CREM: variants seen among roughly 807,000 people sequenced by gnomAD.
CREM encodes cAMP responsive element modulator, also known as cAMP-responsive element modulator.
Under a neutral mutation model 37.3 loss-of-function variants are expected in CREM, and 13 were observed. The ratio of observed to expected loss-of-function variants is 0.35; its 90% CI spans 0.23 to 0.55. The LOEUF is 0.55. CREM is among the 20% of genes least tolerant of loss of function. The probability of loss-of-function intolerance (pLI) is 0.88; values close to 1 mark genes in which losing one functional copy is unlikely to be tolerated. For synonymous variants in CREM, 124 were observed against 120.2 expected (o/e 1.03, Z -0.21); for missense variants, 296 against 362.3 (o/e 0.82, Z 1.49).
At chr10:35,185,101 T>C (rs113370962) in intron 5 of CREM, among the ~76,000 whole-genome samples, 3,818 of 147,092 alleles carry the variant, frequency 0.026, 174 homozygotes, top group African/African-American at 0.09. Flanking sequence ...CTAGGCTTTG[T>C]ACTTCTTTTT....
At chr10:35,133,672 CAGAG>C (rs1441086601) in intron 1 of CREM, among the ~76,000 whole-genome samples, 1 of 152,238 alleles carries the variant, frequency 6.6e-6, no homozygotes, top group Non-Finnish European at 1.5e-5. Context: ...ACTTAGTCTT[CAGAG>C]AAACAGTTCT....
intron 3 of CREM, among the ~76,000 whole-genome samples, chr10:35,152,982 A>T (rs898766580): frequency 4.6e-5 from 7 of 152,208 alleles, no homozygotes; most frequent in African/African-American, 1.7e-4. Flanking sequence ...GCTCATGCCT[A>T]TAATCCCAGC....
intron 2 of CREM, among the ~76,000 whole-genome samples, chr10:35,146,654 C>T (rs1037662044): frequency 6.6e-6 from 1 of 152,088 alleles, no homozygotes; most frequent in Non-Finnish European, 1.5e-5. Flanking sequence ...AAGGATTAGG[C>T]AATATTAAGG....
At chr10:35,128,853 G>C (rs900350515) in intron 1 of CREM, among the ~76,000 whole-genome samples, 52 of 151,940 alleles carry the variant, frequency 3.4e-4, no homozygotes, top group African/African-American at 1.1e-3. Flanking sequence ...TTCTTTTTTT[G>C]GATAAACTTT....
In CREM at chr10:35,179,154, C is replaced by T; in HGVS notation, c.287C>T (p.Ser96Phe). The change falls in exon 5 of 8, where the codon TCC becomes TTC. Residue 96 changes from serine to phenylalanine, a missense_variant. This residue lies in a region of CREM where 257 missense variants were observed against 280.2 expected (regional missense o/e 0.92). Transcript: ENST00000685392. Reference protein sequence around the residue: ...PSYRKILNELSSDVPGVPKIE... With the variant: ...PSYRKILNELFSDVPGVPKIE... ...TTTAGGAAAATACTGAATGAACTGT[C>T]CTCTGATGTGCCTGGTGTTCCCAAG... 6.2e-7 allele frequency: 1 copy of T among 1,613,580 alleles called. No individual in the cohort carries two copies. Among genetic ancestry groups the T allele is most frequent in the South Asian group, 1.1e-5 (1 of 90,980 alleles).
intron 1 of CREM, among the ~76,000 whole-genome samples, chr10:35,130,776 G>A (rs892716743): frequency 6.6e-6 from 1 of 152,172 alleles, no homozygotes. Context: ...GTGTGTAGTC[G>A]GTTGTGCCAT....
At position 35,207,054 on chromosome 10, in the gene CREM, G is replaced by A; in HGVS notation, c.755+3G>A. 6.2e-7 allele frequency: 1 copy of A among 1,611,596 alleles called. No homozygotes were observed. Among genetic ancestry groups the A allele is most frequent in the African/African-American group, 1.3e-5 (1 of 74,834 alleles). ...GAGCTGAGGCTAATGAAAAACAGGT[G>A]AGGTGTTGCACAGGGAATCGGTAAC... On this transcript the variant is annotated splice_donor_region_variant and intron_variant, in intron 7 of 7. Transcript: ENST00000685392.
At chr10:35,179,320 T>C (rs778148800) in intron 5 of CREM, 44 bp downstream of exon 5, 2 of 1,591,850 alleles carry the variant, frequency 1.3e-6, no homozygotes, top group East Asian at 4.5e-5. Context: ...TAGCTTTAAG[T>C]CTTCTCTAGT....
At chr10:35,130,711 A>C (rs565325822) in intron 1 of CREM, among the ~76,000 whole-genome samples, 1 of 152,334 alleles carries the variant, frequency 6.6e-6, no homozygotes, top group Non-Finnish European at 1.5e-5. Context: ...TAGTACAGTA[A>C]CATGCTGTAC....
chr10:35,140,893 G>A (rs1371210221), intron 2 of CREM, among the ~76,000 whole-genome samples: 3 of 152,194 alleles, frequency 2.0e-5, no homozygotes, highest in African/African-American at 7.2e-5. Context: ...AGGCTGGCAT[G>A]CAGCGTGTTG....
intron 3 of CREM, among the ~76,000 whole-genome samples, chr10:35,163,985 A>C (rs958928834): frequency 4.0e-4 from 61 of 152,036 alleles, no homozygotes; most frequent in African/African-American, 1.2e-3. Context: ...AAAAAAAAAA[A>C]AACAAAAAAA....
intron 3 of CREM, among the ~76,000 whole-genome samples, chr10:35,166,986 C>T (rs1216253571): frequency 6.6e-6 from 1 of 151,930 alleles, no homozygotes; most frequent in Non-Finnish European, 1.5e-5. Context: ...ACTAAAAATA[C>T]AAAAATCAGC....
At chr10:35,143,011 C>T (rs2091632265) in intron 2 of CREM, among the ~76,000 whole-genome samples, 1 of 152,190 alleles carries the variant, frequency 6.6e-6, no homozygotes, top group African/African-American at 2.4e-5. Context: ...TTGGTACTTA[C>T]TAAGAATATA....
intron 1 of CREM, among the ~76,000 whole-genome samples, chr10:35,130,012 C>T (rs2089011047): frequency 6.6e-6 from 1 of 151,760 alleles, no homozygotes. Flanking sequence ...GCCTAACCAA[C>T]ATGAAGAAAC....
At chr10:35,203,811 G>A (rs1042712302) in intron 6 of CREM, among the ~76,000 whole-genome samples, 3 of 151,396 alleles carry the variant, frequency 2.0e-5, no homozygotes, top group South Asian at 2.1e-4. Flanking sequence ...AACAGCAAAC[G>A]TCTACAGAAC....
chr10:35,196,054 CTG>C (rs749537875), intron 6 of CREM: 1 of 1,614,060 alleles, frequency 6.2e-7, no homozygotes, highest in South Asian at 1.1e-5. Flanking sequence ...CGTCATGAAA[CTG>C]TAATGCATGA....
intron 2 of CREM, among the ~76,000 whole-genome samples, chr10:35,138,155 G>A (rs1354532820): frequency 1.3e-5 from 2 of 152,218 alleles, no homozygotes; most frequent in African/African-American, 4.8e-5. Flanking sequence ...CGATAGTTAA[G>A]TGGAATTGTA....
intron 3 of CREM, among the ~76,000 whole-genome samples, chr10:35,149,756 C>G (rs1164859099): frequency 6.6e-6 from 1 of 152,054 alleles, no homozygotes; most frequent in Admixed American, 6.6e-5. Flanking sequence ...GCTTTTCTTT[C>G]CTCTTTAAAG....
chr10:35,207,558 A>G (rs1021990509), intron 7 of CREM, among the ~76,000 whole-genome samples: 7 of 152,084 alleles, frequency 4.6e-5, no homozygotes, highest in Admixed American at 2.0e-4. Context: ...GGCAGATCAC[A>G]AGGTCAAGAG....
Sources: gnomAD v4.1 joint callset for allele counts (sites outside exome capture counted in the v4.1 genomes callset) on GRCh38, gnomAD v4.1.1 for gene constraint, gnomAD v4.1.1 regional missense constraint, MANE v1.5 for transcripts, NCBI Gene and HGNC (gene_info 2026-07-23, HGNC 2026-07-21) for gene names.